Variants in RALYL observed in about 807,000 individuals in gnomAD.
The protein encoded by RALYL is RNA-binding Raly-like protein.
In RALYL, 29 loss-of-function variants were observed where a neutral mutation model predicts 35.1. That is an observed-to-expected ratio of 0.83 (90% confidence interval 0.61 to 1.13). The LOEUF is 1.13. Among genes scored for constraint, RALYL ranks in the 50% most tolerant of loss-of-function variants. The pLI is 0.00. For missense variants in RALYL, 359 were observed against 360.4 expected (o/e 1.00, Z 0.03); for synonymous variants, 120 against 127.6 (o/e 0.94, Z 0.40).
At chr8:84,685,226 CG>C (rs1836511056) in intron 2 of RALYL, among the ~76,000 whole-genome samples, 1 of 151,968 alleles carries the variant, frequency 6.6e-6, no homozygotes, top group Non-Finnish European at 1.5e-5. Flanking sequence ...GAAGAGCAGC[CG>C]TGAGGTGAAA....
chr8:84,368,253 T>G (rs879523594), intron 1 of RALYL, among the ~76,000 whole-genome samples: 3 of 152,204 alleles, frequency 2.0e-5, no homozygotes, highest in Non-Finnish European at 4.4e-5. Flanking sequence ...GAAAGAAGTC[T>G]AGATACAGAA....
Position 84,248,466 on chromosome 8 carries a change from TTAA to T in RALYL, c.-24+64044_-24+64046del, listed in dbSNP as rs199754913. Among the ~76,000 whole-genome samples, 18 of 152,274 alleles carry T rather than the reference TTAA, an allele frequency of 1.2e-4. No individual in the cohort carries two copies. In the East Asian group the frequency reaches 3.5e-3, roughly 29 times the overall value. On this transcript the variant is annotated intron_variant, in intron 1 of 8. Coordinates refer to ENST00000521268, the MANE Select transcript of RALYL (RefSeq NM_173848.7). The stretch of plus-strand genomic sequence containing the variant: ...CTTTGTGGTCAGAATTCATACATCA[TTAA>T]TGATTGTTCTAATATTGTTTCCACA...
At chr8:84,367,031 AAC>A (rs796067098) in intron 1 of RALYL, among the ~76,000 whole-genome samples, 64 of 151,954 alleles carry the variant, frequency 4.2e-4, no homozygotes, top group African/African-American at 1.4e-3. Flanking sequence ...GGGGAAAAAA[AAC>A]ACTCCGTAGA....
At chr8:84,515,052 C>T (rs1389000399) in intron 1 of RALYL, among the ~76,000 whole-genome samples, 1 of 152,124 alleles carries the variant, frequency 6.6e-6, no homozygotes, top group African/African-American at 2.4e-5. Flanking sequence ...GTCTCTCAAG[C>T]CTATAAAATC....
At chr8:84,337,156 T>C (rs1479633102) in intron 1 of RALYL, among the ~76,000 whole-genome samples, 1 of 151,762 alleles carries the variant, frequency 6.6e-6, no homozygotes. Context: ...AATGGAAAGC[T>C]AGACTGTTAC....
chr8:84,665,621 T>C (rs1831853409), intron 2 of RALYL: 1 of 152,134 alleles, frequency 6.6e-6, no homozygotes, highest in African/African-American at 2.4e-5. Context: ...TCTCTAATGG[T>C]TGTTTGTATT....
intron 2 of RALYL, among the ~76,000 whole-genome samples, chr8:84,673,069 T>C (rs1833567280): frequency 6.6e-6 from 1 of 152,250 alleles, no homozygotes; most frequent in Admixed American, 6.5e-5. Context: ...GTAGTTATTC[T>C]GACTGGTGTT....
chr8:84,401,240 C>A (rs115210530), intron 1 of RALYL, among the ~76,000 whole-genome samples: 1 of 151,768 alleles, frequency 6.6e-6, no homozygotes, highest in Non-Finnish European at 1.5e-5. Flanking sequence ...TTTTTTTAAT[C>A]TTTTCTTCTA....
At chr8:84,748,733 A>G (rs1297820871) in intron 2 of RALYL, among the ~76,000 whole-genome samples, 1 of 152,164 alleles carries the variant, frequency 6.6e-6, no homozygotes, top group Non-Finnish European at 1.5e-5. Context: ...GGTTGAATGC[A>G]AATATTTACT....
chr8:84,344,674 C>A (rs1036242493), intron 1 of RALYL, among the ~76,000 whole-genome samples: 2 of 152,020 alleles, frequency 1.3e-5, no homozygotes, highest in African/African-American at 2.4e-5. Context: ...CTCTCAATTG[C>A]AACTTTCCAC....
chr8:84,752,886 G>A (rs994465253), intron 2 of RALYL, among the ~76,000 whole-genome samples: 7 of 152,196 alleles, frequency 4.6e-5, no homozygotes, highest in African/African-American at 1.7e-4. Flanking sequence ...GAGCCCTCAT[G>A]GAGAACCTCT....
chr8:84,645,989 A>C (rs984507102), intron 2 of RALYL, among the ~76,000 whole-genome samples: 6 of 152,152 alleles, frequency 3.9e-5, no homozygotes, highest in Non-Finnish European at 8.8e-5. Context: ...TCCTTAATAC[A>C]TCCTTTCAAG....
chr8:84,192,772 G>C (rs1451116306), intron 1 of RALYL, among the ~76,000 whole-genome samples: 1 of 151,750 alleles, frequency 6.6e-6, no homozygotes, highest in Non-Finnish European at 1.5e-5. Context: ...TGACCAGGCT[G>C]GTCTTGAGCT....
intron 2 of RALYL, among the ~76,000 whole-genome samples, chr8:84,652,663 G>A (rs1044190198): frequency 1.3e-5 from 2 of 151,984 alleles, no homozygotes; most frequent in African/African-American, 4.8e-5. Flanking sequence ...TCTAAAACAG[G>A]CTGTATAATA....
chr8:84,756,589 C>T (rs930110898), intron 2 of RALYL, among the ~76,000 whole-genome samples: 8 of 152,188 alleles, frequency 5.3e-5, no homozygotes, highest in African/African-American at 1.7e-4. Flanking sequence ...TCCCAACAGC[C>T]GGGCTGTTAA....
chr8:84,570,371 G>A (rs576570184), intron 2 of RALYL, among the ~76,000 whole-genome samples: 11 of 150,108 alleles, frequency 7.3e-5, no homozygotes, highest in African/African-American at 2.2e-4. Context: ...TCTTGATTTT[G>A]CTCTCAGCTT....
chr8:84,849,970 C>A lies in RALYL; in HGVS notation c.366-10C>A. The A allele has an allele frequency of 6.9e-7, 1 of 1,451,234 alleles. No individual in the cohort carries two copies. Among genetic ancestry groups the A allele is most frequent in the African/African-American group, 1.5e-5 (1 of 68,914 alleles). The allele number at this position is 1,451,234 out of a possible 1,614,324, so 89.9% of individuals were successfully genotyped here. The stretch of plus-strand genomic sequence containing the variant: ...CAAATGCCAACTAATTTTTTTGTTT[C>A]CCTCTTTAGCGGTTATGTCTTTGAC... On this transcript the variant is annotated splice_polypyrimidine_tract_variant and intron_variant, in intron 4 of 8. Coordinates refer to ENST00000521268, the MANE Select transcript of RALYL (RefSeq NM_173848.7).
At chr8:84,225,040 G>A (rs1417653469) in intron 1 of RALYL, among the ~76,000 whole-genome samples, 1 of 152,174 alleles carries the variant, frequency 6.6e-6, no homozygotes, top group African/African-American at 2.4e-5. Flanking sequence ...TTATGGATGA[G>A]TCTACCTTCC....
At chr8:84,487,045 G>A (rs1487588228) in intron 1 of RALYL, among the ~76,000 whole-genome samples, 1 of 151,966 alleles carries the variant, frequency 6.6e-6, no homozygotes, top group Non-Finnish European at 1.5e-5. Context: ...TGCCAAGTGG[G>A]TTTAAAGAAT....
Sources: allele counts gnomAD v4.1 joint callset (sites outside exome capture counted in the v4.1 genomes callset), GRCh38; gene constraint gnomAD v4.1.1; transcripts MANE v1.5; gene names NCBI Gene and HGNC (gene_info 2026-07-23, HGNC 2026-07-21).